DNER: variants seen among roughly 807,000 people sequenced by gnomAD.
DNER encodes the protein delta and Notch-like epidermal growth factor-related receptor.
DNER carries 33 observed loss-of-function variants against 78.2 expected under a neutral mutation model. The ratio of observed to expected loss-of-function variants is 0.42; its 90% CI spans 0.32 to 0.56. The LOEUF (loss-of-function observed/expected upper bound fraction) is 0.56, where lower values mean the gene tolerates loss of function less well. Among genes scored for constraint, DNER ranks in the 20% least tolerant of loss-of-function variants. The pLI is 0.11. For missense variants in DNER, 918 were observed against 975.3 expected, an observed-to-expected ratio of 0.94 and a Z score of 0.78; for synonymous variants, 417 against 384.8, an observed-to-expected ratio of 1.08 and a Z score of -0.98.
In DNER at chr2:229,387,563, G is replaced by GA. The variant is rs750209136; in HGVS notation, c.1855+701dup. On this transcript the variant is annotated intron_variant, in intron 11 of 12. Coordinates refer to ENST00000341772, the MANE Select transcript of DNER (RefSeq NM_139072.4). ...AGAAAGAAAGAAAGAAAGAAAGAAA[G>GA]AAAGAAAAGAAAGAAGGAAGGAAGG... 6.0e-4 allele frequency among the ~76,000 whole-genome samples: 86 copies of GA among 143,994 alleles called. 1 individual carries two copies. The highest frequency in any genetic ancestry group is 3.5e-3 in the Middle Eastern group (1 of 284). 94.5% of individuals were successfully genotyped at this position (143,994 alleles called of 152,430 possible). A position where few individuals can be genotyped will look rare whatever the true frequency, so the allele number is the denominator to read the frequency against.
At chr2:229,496,983 A>G (rs1284157108) in intron 6 of DNER, among the ~76,000 whole-genome samples, 2 of 152,170 alleles carry the variant, frequency 1.3e-5, no homozygotes, top group African/African-American at 4.8e-5. Context: ...CATTCCACCC[A>G]ACAGCAGCAG....
At chr2:229,502,671 T>C (rs1158867612) in intron 6 of DNER, among the ~76,000 whole-genome samples, 2 of 152,238 alleles carry the variant, frequency 1.3e-5, no homozygotes, top group Non-Finnish European at 2.9e-5. Context: ...TACATGGATT[T>C]GGATGGTTAT....
chr2:229,579,159 T>C (rs1366023371), intron 4 of DNER, among the ~76,000 whole-genome samples: 2 of 152,218 alleles, frequency 1.3e-5, no homozygotes, highest in Non-Finnish European at 2.9e-5. Flanking sequence ...GCCCTTTGTA[T>C]GTCCAAGGAG....
intron 8 of DNER, among the ~76,000 whole-genome samples, chr2:229,436,954 C>A (rs866219616): frequency 2.6e-5 from 4 of 152,166 alleles, no homozygotes; most frequent in African/African-American, 7.2e-5. Context: ...TCAATACTAA[C>A]CTTGAATGTA....
intron 6 of DNER, among the ~76,000 whole-genome samples, chr2:229,502,155 G>T (rs1263180438): frequency 6.6e-6 from 1 of 152,148 alleles, no homozygotes; most frequent in South Asian, 2.1e-4. Context: ...CTGTCCTATC[G>T]AAAGGAAACC....
At chr2:229,408,022 CTGT>C (rs1693426591) in intron 9 of DNER, among the ~76,000 whole-genome samples, 1 of 152,146 alleles carries the variant, frequency 6.6e-6, no homozygotes, top group African/African-American at 2.4e-5. Context: ...GCTAAGTAGG[CTGT>C]TGAGAGTGAC....
chr2:229,567,955 C>G (rs1246919795), intron 4 of DNER, among the ~76,000 whole-genome samples: 1 of 152,158 alleles, frequency 6.6e-6, no homozygotes, highest in African/African-American at 2.4e-5. Context: ...AATCCCTCTC[C>G]CTCACAGTCT....
chr2:229,698,126 C>G (rs1225337217), intron 1 of DNER, among the ~76,000 whole-genome samples: 1 of 152,108 alleles, frequency 6.6e-6, no homozygotes, highest in Non-Finnish European at 1.5e-5. Context: ...AACACTTGAG[C>G]CCAGGAGTTC....
intron 5 of DNER, among the ~76,000 whole-genome samples, chr2:229,517,528 C>T (rs1354742012): frequency 6.6e-6 from 1 of 152,158 alleles, no homozygotes; most frequent in Non-Finnish European, 1.5e-5. Flanking sequence ...AGGGGAACAG[C>T]CAGTACAAAG....
chr2:229,541,844 A>C (rs1696519987), intron 5 of DNER, among the ~76,000 whole-genome samples: 1 of 147,582 alleles, frequency 6.8e-6, no homozygotes, highest in Admixed American at 6.9e-5. Context: ...CAAATCATAT[A>C]TATATATGTG....
chr2:229,677,202 A>G (rs1049556911), intron 1 of DNER, among the ~76,000 whole-genome samples: 1 of 152,066 alleles, frequency 6.6e-6, no homozygotes, highest in African/African-American at 2.4e-5. Flanking sequence ...TTTGGTTGGC[A>G]CTGCTTTCCT....
At chr2:229,627,578 A>T (rs1698366244) in intron 1 of DNER, among the ~76,000 whole-genome samples, 1 of 152,230 alleles carries the variant, frequency 6.6e-6, no homozygotes, top group Non-Finnish European at 1.5e-5. Context: ...GGAAATAAAG[A>T]CACAAAGATT....
At chr2:229,606,680 G>C (rs1488931190) in intron 1 of DNER, among the ~76,000 whole-genome samples, 3 of 152,020 alleles carry the variant, frequency 2.0e-5, no homozygotes, top group Admixed American at 6.6e-5. Context: ...ATCACTGGAG[G>C]TCAAGAGTTC....
Position 229,602,033 on chromosome 2 carries a change from A to T in DNER, c.277-10145T>A, listed in dbSNP as rs141681872. ...TTTCACTTTTAATCATTCAAAGACC[A>T]ATTTCTTGAATAAAAAAGTTGCAGA... On this transcript the variant is annotated intron_variant, in intron 1 of 12. Coordinates refer to ENST00000341772, the MANE Select transcript of DNER (RefSeq NM_139072.4). 5.3e-5 allele frequency among the ~76,000 whole-genome samples: 8 copies of T among 152,090 alleles called. No individual in the cohort carries two copies. The East Asian group carries it at 1.5e-3, about 29-fold the overall frequency.
At position 229,367,061 on chromosome 2, in the gene DNER, G is replaced by A. The variant is rs1384951499; in HGVS notation, c.1914C>T (p.Ser638=). The A allele has an allele frequency of 2.5e-6, 4 of 1,614,090 alleles. No homozygotes were observed. The highest frequency in any genetic ancestry group is 1.1e-5 in the South Asian group (1 of 91,058). ...AGAGGGCTCCAATGATGATGTAGAG[G>A]GAGTGCCGTGGCATGTTGGTGAGGC... ...AESLTNMPRH[S]LYIIIGALCV... Residue 638 remains serine (S), a synonymous_variant, in exon 12 of 13, where the codon TCC becomes TCT. Transcript: ENST00000341772.
intron 4 of DNER, among the ~76,000 whole-genome samples, chr2:229,559,798 G>A (rs1696922159): frequency 6.6e-6 from 1 of 152,132 alleles, no homozygotes; most frequent in South Asian, 2.1e-4. Flanking sequence ...TGAGTAACTG[G>A]TTATGATGAC....
chr2:229,384,051 A>T (rs561893659), intron 11 of DNER, among the ~76,000 whole-genome samples: 9 of 152,364 alleles, frequency 5.9e-5, no homozygotes, highest in African/African-American at 2.2e-4. Flanking sequence ...GGAAATCATA[A>T]GAAACAGTCT....
chr2:229,446,336 T>C (rs2106361746), intron 8 of DNER, among the ~76,000 whole-genome samples: 1 of 152,364 alleles, frequency 6.6e-6, no homozygotes, highest in South Asian at 2.1e-4. Flanking sequence ...ATTAATGTTC[T>C]GTTTCCAAGA....
At chr2:229,657,682 G>A (rs1861612) in intron 1 of DNER, among the ~76,000 whole-genome samples, 79,734 of 151,996 alleles carry the variant, frequency 0.52, 21,128 homozygotes, top group Non-Finnish European at 0.55. Flanking sequence ...TAAGCAACTC[G>A]TTATTTTTGG....
Sources: gnomAD v4.1 joint callset for allele counts (sites outside exome capture counted in the v4.1 genomes callset) on GRCh38, gnomAD v4.1.1 for gene constraint, MANE v1.5 for transcripts, NCBI Gene and HGNC (gene_info 2026-07-23, HGNC 2026-07-21) for gene names.